The following NCAPH variants were observed in gnomAD, a reference collection of about 807,000 sequenced individuals.
The protein encoded by NCAPH is condensin complex subunit 2.
A neutral mutation model predicts 85.5 loss-of-function variants in NCAPH; 38 were observed. The observed-to-expected ratio is 0.44, with a 90% confidence interval of 0.34 to 0.58. The LOEUF (loss-of-function observed/expected upper bound fraction) is 0.58. Among genes scored for constraint, NCAPH ranks in the 20% least tolerant of loss-of-function variants. The probability of loss-of-function intolerance (pLI) is 0.01; values close to 1 mark genes in which losing one functional copy is unlikely to be tolerated. For synonymous variants in NCAPH, 301 were observed against 335.1 expected (o/e 0.90, Z 1.11); for missense variants, 789 against 916.6 (o/e 0.86, Z 1.80).
Position 96,364,527 on chromosome 2 carries a change from A to C in NCAPH, c.1634A>C (p.Glu545Ala). 2 of 1,613,808 alleles carry C rather than the reference A, an allele frequency of 1.2e-6. No homozygotes were observed. The highest frequency in any genetic ancestry group is 1.7e-6 in the Non-Finnish European group (2 of 1,179,674). The change falls in exon 13 of 18, where the codon GAA becomes GCA. Residue 545 changes from glutamate to alanine, a missense_variant. By Grantham distance (107) the Glu-to-Ala change is moderately radical. Coordinates refer to ENST00000240423, the MANE Select transcript of NCAPH (RefSeq NM_015341.5). The part of the protein sequence containing the change: ...QGHRVETEHY[E>A]EIEDYDYNNP... ...CATAGGGTAGAGACTGAGCATTATG[A>C]AGAAATTGAAGACTATGATTACAAC...
At chr2:96,362,355 C>G (rs1301300709) in intron 12 of NCAPH, among the ~76,000 whole-genome samples, 1 of 152,072 alleles carries the variant, frequency 6.6e-6, no homozygotes, top group African/African-American at 2.4e-5. Context: ...GGAGGCCAGT[C>G]ACGATGGCTC....
intron 17 of NCAPH, among the ~76,000 whole-genome samples, chr2:96,370,872 G>A (rs986780180): frequency 4.6e-5 from 7 of 152,194 alleles, no homozygotes; most frequent in Non-Finnish European, 1.0e-4. Context: ...CTTGGGAATG[G>A]TTTTAACCCA....
intron 13 of NCAPH, among the ~76,000 whole-genome samples, chr2:96,365,638 A>G (rs1241184813): frequency 6.6e-6 from 1 of 152,166 alleles, no homozygotes; most frequent in East Asian, 1.9e-4. Context: ...AATTATGGTT[A>G]TCGAATTCCT....
At chr2:96,338,176 C>T (rs777021629) in intron 1 of NCAPH, among the ~76,000 whole-genome samples, 1 of 143,624 alleles carries the variant, frequency 7.0e-6, no homozygotes, top group South Asian at 2.2e-4. Flanking sequence ...ATCCTCCCAC[C>T]TTGGCCTCCA....
At chr2:96,345,753 G>T (rs139959049) in intron 6 of NCAPH, among the ~76,000 whole-genome samples, 2 of 152,168 alleles carry the variant, frequency 1.3e-5, no homozygotes, top group Admixed American at 6.6e-5. Flanking sequence ...GATATATATA[G>T]AGAGAGTAAA....
intron 9 of NCAPH, 122 bp downstream of exon 9, chr2:96,354,510 AC>A (rs1487968574): frequency 1.2e-6 from 1 of 859,176 alleles, no homozygotes; most frequent in East Asian, 3.0e-5. Context: ...AAAAATAGAG[AC>A]GGGCATCTCA....
chr2:96,373,486 T>C lies in NCAPH; in HGVS notation c.*135T>C. 1 of 801,832 alleles carries C rather than the reference T, an allele frequency of 1.2e-6. No homozygotes were observed. 49.7% of individuals were successfully genotyped at this position (801,832 alleles called of 1,614,324 possible). A position where few individuals can be genotyped will look rare whatever the true frequency, so the allele number is the denominator to read the frequency against. Reference sequence around the variant, plus strand: ...AACTACCAACGTGCCTGTTTGTTTGTTGCTCTTTCCTTCTCTCCATCATAG... The same window carrying C: ...AACTACCAACGTGCCTGTTTGTTTGCTGCTCTTTCCTTCTCTCCATCATAG... On this transcript the variant is annotated 3_prime_UTR_variant, in exon 18 of 18. Transcript: ENST00000240423.
Position 96,335,783 on chromosome 2 carries a change from T to C in NCAPH, c.-47T>C, listed in dbSNP as rs946967914. 7.5e-6 allele frequency: 11 copies of C among 1,467,094 alleles called. No individual in the cohort carries two copies. The highest frequency in any genetic ancestry group is 3.0e-5 in the East Asian group (1 of 33,302). 90.9% of individuals were successfully genotyped at this position (1,467,094 alleles called of 1,614,324 possible). A position where few individuals can be genotyped will look rare whatever the true frequency, so the allele number is the denominator to read the frequency against. On this transcript the variant is annotated 5_prime_UTR_variant, in exon 1 of 18. Coordinates refer to ENST00000240423, the MANE Select transcript of NCAPH (RefSeq NM_015341.5). ...ACGCGGCCGTTACGGCGCTCAGGCG[T>C]CTCGACGCGCGCGATTTAAAACCAG...
Position 96,369,067 on chromosome 2 carries a change from CG to C in NCAPH, c.2090+7del, listed in dbSNP as rs1312336339. 6.4e-7 allele frequency: 1 copy of C among 1,553,534 alleles called. No homozygotes were observed. Among genetic ancestry groups the C allele is most frequent in the Admixed American group, 2.0e-5 (1 of 51,088 alleles). On this transcript the variant is annotated splice_donor_5th_base_variant and intron_variant, in intron 16 of 17. Transcript: ENST00000240423. ...TCACGAAGGACCTGCAGAGGAGGTG[CG>C]GGCTGGCAGGCATGGGGGCTTTGTT... is the stretch of plus-strand genomic sequence containing the variant.
In NCAPH at chr2:96,359,112, G is replaced by A; in HGVS notation, c.1276G>A (p.Gly426Arg). 1 of 1,614,208 alleles carries A rather than the reference G, an allele frequency of 6.2e-7. No homozygotes were observed. The highest frequency in any genetic ancestry group is 2.2e-5 in the East Asian group (1 of 44,892). ...GTGCCCCCTTCTGTCTATGAAACCTGGAGAATATTCTTATTTCAGTCCTCG... is the reference window on the plus strand; with the variant it reads ...GTGCCCCCTTCTGTCTATGAAACCTAGAGAATATTCTTATTTCAGTCCTCG... ...TMCPLLSMKP[G>R]EYSYFSPRTM... The change falls in exon 10 of 18, where the codon GGA becomes AGA. Residue 426 changes from glycine to arginine, a missense_variant. Physicochemically the swap from Gly to Arg is moderately radical, Grantham distance 125 (BLOSUM62 -2). Coordinates refer to ENST00000240423, the MANE Select transcript of NCAPH (RefSeq NM_015341.5).
At chr2:96,368,169 A>G (rs930328834) in intron 15 of NCAPH, among the ~76,000 whole-genome samples, 1 of 152,238 alleles carries the variant, frequency 6.6e-6, no homozygotes, top group African/African-American at 2.4e-5. Flanking sequence ...CTGAGAAATG[A>G]AAACTCATAA....
chr2:96,338,985 G>A (rs1046178989), intron 1 of NCAPH, among the ~76,000 whole-genome samples: 4 of 152,004 alleles, frequency 2.6e-5, no homozygotes, highest in African/African-American at 9.7e-5. Context: ...TCATTTTTTT[G>A]TATTTTTAGT....
At chr2:96,345,234 C>G (rs1271342443) in intron 6 of NCAPH, among the ~76,000 whole-genome samples, 1 of 152,150 alleles carries the variant, frequency 6.6e-6, no homozygotes. Flanking sequence ...ATGTGGCAAC[C>G]TGAGGCCACT....
At chr2:96,352,158 T>G in intron 7 of NCAPH, 138 bp downstream of exon 7, 1 of 865,334 alleles carries the variant, frequency 1.2e-6, no homozygotes, top group Non-Finnish European at 1.8e-6. Flanking sequence ...TGCCAAATTG[T>G]GTATCCTTTT....
chr2:96,337,247 TC>T, intron 1 of NCAPH, among the ~76,000 whole-genome samples: 1 of 152,314 alleles, frequency 6.6e-6, no homozygotes, highest in East Asian at 1.9e-4. Context: ...TAGACAAGGT[TC>T]TCCTTAAGTG....
In NCAPH at chr2:96,354,247, T is replaced by C. The variant is rs188817037; in HGVS notation, c.1067T>C (p.Val356Ala). 1.2e-6 allele frequency: 2 copies of C among 1,614,074 alleles called. No individual in the cohort carries two copies. The highest frequency in any genetic ancestry group is 1.3e-5 in the African/African-American group (1 of 74,998). The change falls in exon 9 of 18, where the codon GTT (valine) becomes GCT (alanine). Residue 356 changes from valine to alanine, a missense_variant. Coordinates refer to ENST00000240423, the MANE Select transcript of NCAPH (RefSeq NM_015341.5). ...NDQVFDINAEVDESDCGDFPD... is the reference protein window; with the variant it reads ...NDQVFDINAEADESDCGDFPD... ...CAGGTATTTGACATCAATGCTGAAG[T>C]TGACGAGAGTGACTGTGGAGACTTC... is the stretch of plus-strand genomic sequence containing the variant.
intron 12 of NCAPH, among the ~76,000 whole-genome samples, chr2:96,361,040 CTTTTTTT>C (rs760283642): frequency 2.6e-3 from 227 of 86,772 alleles, no homozygotes; most frequent in African/African-American, 8.7e-3. Context: ...TTGCTTTCTC[CTTTTTTT>C]TTTTTTTTTT....
At chr2:96,367,598 T>C (rs1558803494) in intron 15 of NCAPH, among the ~76,000 whole-genome samples, 2 of 152,192 alleles carry the variant, frequency 1.3e-5, no homozygotes, top group Non-Finnish European at 2.9e-5. Context: ...CAGTGAGCTA[T>C]GATATGATCG....
At chr2:96,347,620 A>C (rs749074265) in intron 6 of NCAPH, among the ~76,000 whole-genome samples, 2 of 151,978 alleles carry the variant, frequency 1.3e-5, no homozygotes, top group African/African-American at 2.4e-5. Flanking sequence ...GAGGAGTGGG[A>C]GATGGGGGCT....
Sources: allele counts gnomAD v4.1 joint callset (sites outside exome capture counted in the v4.1 genomes callset), GRCh38; gene constraint gnomAD v4.1.1; transcripts MANE v1.5; gene names NCBI Gene and HGNC (gene_info 2026-07-23, HGNC 2026-07-21).